The following PPFIBP1 variants were observed in gnomAD, a reference collection of about 807,000 sequenced individuals.
PPFIBP1 encodes the protein liprin-beta-1.
In PPFIBP1, 112 loss-of-function variants were observed where a neutral mutation model predicts 137.8. The observed-to-expected ratio is 0.81, with a 90% CI of 0.70 to 0.95. PPFIBP1 has a LOEUF of 0.95. PPFIBP1 is among the 40% of genes least tolerant of loss of function. The probability of loss-of-function intolerance (pLI) is 0.00; values close to 1 mark genes in which losing one functional copy is unlikely to be tolerated. For synonymous variants in PPFIBP1, 378 were observed against 417.3 expected, an observed-to-expected ratio of 0.91 and a Z score of 1.15; for missense variants, 1,083 against 1,196.6, an observed-to-expected ratio of 0.91 and a Z score of 1.40.
chr12:27,655,504 A>G (rs1355366319), intron 8 of PPFIBP1, among the ~76,000 whole-genome samples: 1 of 152,234 alleles, frequency 6.6e-6, no homozygotes, highest in Admixed American at 6.5e-5. Flanking sequence ...CAAGCCTAGT[A>G]AAATAATTGT....
At position 27,619,081 on chromosome 12, in the gene PPFIBP1, T is replaced by A. The variant is rs61915344; in HGVS notation, c.-35-14281T>A. On this transcript the variant is annotated intron_variant, in intron 2 of 29. Transcript: ENST00000228425. ...AGGAGTACTTGATGATGCGGTAATC[T>A]TCCTTGAGTATTCTGCCATGACATT... is the stretch of plus-strand genomic sequence containing the variant. Among the ~76,000 whole-genome samples, 368 of 152,272 alleles carry A rather than the reference T, an allele frequency of 2.4e-3. 1 individual carries two copies. The highest frequency in any genetic ancestry group is 4.3e-3 in the Non-Finnish European group (295 of 68,004).
intron 17 of PPFIBP1, among the ~76,000 whole-genome samples, chr12:27,674,811 A>AT (rs72418237): frequency 0.34 from 36,230 of 107,764 alleles, 7,104 homozygotes; most frequent in South Asian, 0.45. Context: ...CTTTCCCCTG[A>AT]TTTTTTTTTT....
chr12:27,635,133 C>T lies in PPFIBP1; in HGVS notation c.270+18C>T. On this transcript the variant is annotated intron_variant, in intron 4 of 29. Transcript: ENST00000228425. ...GTCAAATGGTAGGGTCTGCCTGTTC[C>T]AAATTCTGTTATAAATCCTTTGTTG... The T allele has an allele frequency of 6.2e-7, 1 of 1,612,254 alleles. No homozygotes were observed. Among genetic ancestry groups the T allele is most frequent in the Non-Finnish European group, 8.5e-7 (1 of 1,178,336 alleles).
At chr12:27,540,223 ATT>A (rs549113210) in intron 1 of PPFIBP1, among the ~76,000 whole-genome samples, 1 of 146,228 alleles carries the variant, frequency 6.8e-6, no homozygotes. Flanking sequence ...TGTCTGGCTA[ATT>A]TTTTTTTTTT....
At chr12:27,602,626 G>A (rs2054118355) in intron 2 of PPFIBP1, among the ~76,000 whole-genome samples, 1 of 152,170 alleles carries the variant, frequency 6.6e-6, no homozygotes, top group Admixed American at 6.5e-5. Context: ...TATGAACACT[G>A]AAAAATCATT....
At chr12:27,575,180 GTTAT>G (rs1308324309) in intron 1 of PPFIBP1, among the ~76,000 whole-genome samples, 2 of 152,134 alleles carry the variant, frequency 1.3e-5, no homozygotes, top group African/African-American at 4.8e-5. Context: ...ACTCAACTCT[GTTAT>G]TGTGTCTTGG....
rs777633757 is a variant in PPFIBP1, at chr12:27,664,422, G to A, written c.967G>A (p.Val323Met). The A allele has an allele frequency of 1.9e-6, 3 of 1,612,852 alleles. No individual in the cohort carries two copies. Among genetic ancestry groups the A allele is most frequent in the Non-Finnish European group, 2.5e-6 (3 of 1,179,066 alleles). Residue 323 changes from valine (V) to methionine (M), a missense_variant, in exon 12 of 30, where the codon GTG (valine) becomes ATG (methionine). Coordinates refer to ENST00000228425, the MANE Select transcript of PPFIBP1 (RefSeq NM_003622.4). The part of the protein sequence containing the change: ...LNRYKKMQDT[V>M]VLAQGKKGKD... Reference sequence around the variant, plus strand: ...CAGGTACAAGAAAATGCAAGACACGGTGGTACTGGCCCAAGGTAAAAAAGG... The same window carrying A: ...CAGGTACAAGAAAATGCAAGACACGATGGTACTGGCCCAAGGTAAAAAAGG...
chr12:27,611,292 C>T lies in PPFIBP1; in HGVS notation c.-35-22070C>T, dbSNP rs375756197. ...CTGAAAGTATTGGAAAGGTTGGGTC[C>T]TTCTGAGGGCCAGGAGGGAAGGATC... On this transcript the variant is annotated intron_variant, in intron 2 of 29. Transcript: ENST00000228425. 3.0e-4 allele frequency among the ~76,000 whole-genome samples: 45 copies of T among 152,250 alleles called. No homozygotes were observed. The East Asian group carries it at 7.1e-3, about 24-fold the overall frequency.
At chr12:27,654,909 T>C in intron 8 of PPFIBP1, 95 bp downstream of exon 8, 1 of 1,454,932 alleles carries the variant, frequency 6.9e-7, no homozygotes, top group East Asian at 2.5e-5. Context: ...ACTTAATGTA[T>C]GATAAAGAAG....
At chr12:27,684,542 T>C (rs907019317) in intron 24 of PPFIBP1, among the ~76,000 whole-genome samples, 1 of 152,202 alleles carries the variant, frequency 6.6e-6, no homozygotes, top group Non-Finnish European at 1.5e-5. Flanking sequence ...TCAAAAAAAT[T>C]TGGAGTTCAG....
intron 2 of PPFIBP1, among the ~76,000 whole-genome samples, chr12:27,631,767 C>T (rs2057289575): frequency 6.6e-6 from 1 of 152,180 alleles, no homozygotes; most frequent in Non-Finnish European, 1.5e-5. Context: ...TTATGCTCTA[C>T]ACAAAATATA....
At chr12:27,635,197 A>G (rs1435242181) in intron 4 of PPFIBP1, 82 bp downstream of exon 4, 3 of 1,408,860 alleles carry the variant, frequency 2.1e-6, no homozygotes, top group Admixed American at 1.8e-5. Context: ...GCTGATTAGA[A>G]CAAGAAAAGT....
Position 27,646,093 on chromosome 12 carries a change from T to C in PPFIBP1, c.302T>C (p.Val101Ala). ...TNGHLPGNGD[V>A]YQERLARLEN... ...GGACACCTACCAGGGAACGGAGATG[T>C]GTATCAAGAAAGGCTGGCACGTTTA... The change falls in exon 5 of 30, where the codon GTG becomes GCG. Residue 101 changes from valine (V) to alanine (A), a missense_variant. Coordinates refer to ENST00000228425, the MANE Select transcript of PPFIBP1 (RefSeq NM_003622.4). The C allele has an allele frequency of 6.2e-7, 1 of 1,611,800 alleles. No homozygotes were observed. The highest frequency in any genetic ancestry group is 8.5e-7 in the Non-Finnish European group (1 of 1,178,454).
chr12:27,638,283 C>T (rs563793860), intron 4 of PPFIBP1, among the ~76,000 whole-genome samples: 37 of 152,102 alleles, frequency 2.4e-4, no homozygotes, highest in Non-Finnish European at 3.8e-4. Context: ...AACACAGAAT[C>T]CTAGCAAATT....
chr12:27,598,641 GA>G (rs1489633353), intron 2 of PPFIBP1, among the ~76,000 whole-genome samples: 1 of 151,842 alleles, frequency 6.6e-6, no homozygotes, highest in Non-Finnish European at 1.5e-5. Context: ...TCTTGCTCTA[GA>G]AAAATATATG....
chr12:27,682,709 T>C lies in PPFIBP1; in HGVS notation c.2247+6T>C. On this transcript the variant is annotated splice_donor_region_variant and intron_variant, in intron 24 of 29. Coordinates refer to ENST00000228425, the MANE Select transcript of PPFIBP1 (RefSeq NM_003622.4). ...TGCTACATTACATGACTGTTGTAAG[T>C]GACTCACTCCTGGGGTTTGGGGGAG... 1 of 1,614,082 alleles carries C rather than the reference T, an allele frequency of 6.2e-7. No homozygotes were observed.
chr12:27,680,693 T>A (rs1354339530), intron 21 of PPFIBP1, among the ~76,000 whole-genome samples: 1 of 152,220 alleles, frequency 6.6e-6, no homozygotes, highest in Non-Finnish European at 1.5e-5. Flanking sequence ...TCCATTAAGA[T>A]TCTAAGAACT....
chr12:27,614,082 A>G (rs1039347804), intron 2 of PPFIBP1, among the ~76,000 whole-genome samples: 2 of 152,086 alleles, frequency 1.3e-5, no homozygotes, highest in African/African-American at 4.8e-5. Context: ...TCATCACTAT[A>G]TTAAGACATC....
intron 17 of PPFIBP1, 62 bp downstream of exon 17, chr12:27,674,283 T>G: frequency 5.3e-6 from 7 of 1,319,782 alleles, no homozygotes; most frequent in Non-Finnish European, 7.4e-6. Flanking sequence ...GTAAATTGCT[T>G]AAATGTCTCC....
Sources: allele counts gnomAD v4.1 joint callset (sites outside exome capture counted in the v4.1 genomes callset), GRCh38; gene constraint gnomAD v4.1.1; transcripts MANE v1.5; gene names NCBI Gene and HGNC (gene_info 2026-07-23, HGNC 2026-07-21).